THADA: variants seen among roughly 807,000 people sequenced by gnomAD.
The protein encoded by THADA is tRNA (32-2'-O)-methyltransferase regulator THADA.
A neutral mutation model predicts 219.8 loss-of-function variants in THADA; 213 were observed. That is an observed-to-expected ratio of 0.97 (90% CI 0.87 to 1.09). THADA has a LOEUF of 1.09. Ranked by LOEUF, THADA falls within the 50% of genes least tolerant of loss-of-function variation. The pLI, the probability that THADA is intolerant of heterozygous loss-of-function variation, is 0.00. For synonymous variants in THADA, 1,018 were observed against 828.9 expected (o/e 1.23, Z -3.92); for missense variants, 2,956 against 2,311.3 (o/e 1.28, Z -5.72).
chr2:43,586,342 T>C (rs916571427), intron 7 of THADA, 59 bp downstream of exon 7: 94 of 1,368,952 alleles, frequency 6.9e-5, no homozygotes, highest in Non-Finnish European at 9.0e-5. Context: ...TTTTTCTTTG[T>C]ACAAAGATAA....
intron 7 of THADA, among the ~76,000 whole-genome samples, chr2:43,583,291 A>C (rs910754152): frequency 1.3e-5 from 2 of 152,134 alleles, no homozygotes; most frequent in Non-Finnish European, 2.9e-5. Context: ...TCTCCATCTC[A>C]TCTATAAGAA....
intron 26 of THADA, among the ~76,000 whole-genome samples, chr2:43,483,212 A>G (rs1323916754): frequency 2.6e-5 from 4 of 152,170 alleles, no homozygotes; most frequent in Non-Finnish European, 4.4e-5. Context: ...ACCAACCAAG[A>G]TATCATTATT....
intron 22 of THADA, among the ~76,000 whole-genome samples, chr2:43,523,162 C>T (rs185409341): frequency 2.6e-5 from 4 of 151,928 alleles, no homozygotes; most frequent in Admixed American, 2.0e-4. Flanking sequence ...CCCAGGAGTT[C>T]GAGACCAGCC....
At chr2:43,556,599 C>T (rs754612477) in intron 16 of THADA, 44 bp from the exon 17 acceptor site, 12 of 1,557,648 alleles carry the variant, frequency 7.7e-6, no homozygotes, top group African/African-American at 1.4e-5. Context: ...TTAAAGATCT[C>T]TTTAATTTAA....
In THADA at chr2:43,231,205, A is replaced by ATC. The variant is rs761567323; in HGVS notation, c.5604_5605insGA (p.Cys1869AspfsTer29). 6.2e-7 allele frequency: 1 copy of ATC among 1,613,944 alleles called. No homozygotes were observed. On this transcript the variant is annotated frameshift_variant, in exon 38 of 38. Transcript: ENST00000405975. LOFTEE classifies it low-confidence loss of function (END_TRUNC). ...TCTGACACCATCCTTTGAAGGTGAC[A>ATC]GAGCATCTCAGGGCTTGGGGGACGC... is the stretch of plus-strand genomic sequence containing the variant.
chr2:43,268,383 A>G (rs1294912388), intron 36 of THADA, among the ~76,000 whole-genome samples: 1 of 152,102 alleles, frequency 6.6e-6, no homozygotes, highest in Non-Finnish European at 1.5e-5. Flanking sequence ...TTCTATCTCA[A>G]TGTACACACC....
intron 29 of THADA, among the ~76,000 whole-genome samples, chr2:43,393,052 G>A (rs1673581333): frequency 6.6e-6 from 1 of 152,132 alleles, no homozygotes; most frequent in Non-Finnish European, 1.5e-5. Context: ...CTATGGACTT[G>A]GCTATAGCCT....
intron 26 of THADA, among the ~76,000 whole-genome samples, chr2:43,463,587 G>T (rs1683885272): frequency 6.6e-6 from 1 of 152,126 alleles, no homozygotes; most frequent in African/African-American, 2.4e-5. Flanking sequence ...CAGTATAAAA[G>T]AATGTTTTTT....
At chr2:43,257,571 G>A (rs954012416) in intron 36 of THADA, among the ~76,000 whole-genome samples, 6 of 152,300 alleles carry the variant, frequency 3.9e-5, no homozygotes, top group African/African-American at 9.6e-5. Flanking sequence ...CACTTCCTCC[G>A]TTGGCATCTG....
intron 29 of THADA, among the ~76,000 whole-genome samples, chr2:43,386,042 T>C (rs1672639997): frequency 6.6e-6 from 1 of 152,092 alleles, no homozygotes; most frequent in Non-Finnish European, 1.5e-5. Context: ...CATATGAACA[T>C]GGGCCCATCA....
At chr2:43,327,584 C>A (rs1194830591) in intron 30 of THADA, among the ~76,000 whole-genome samples, 3 of 152,140 alleles carry the variant, frequency 2.0e-5, no homozygotes, top group African/African-American at 4.8e-5. Flanking sequence ...TGACACATAT[C>A]TACCCGCCTC....
At chr2:43,334,748 C>A (rs959291399) in intron 30 of THADA, among the ~76,000 whole-genome samples, 4 of 151,384 alleles carry the variant, frequency 2.6e-5, no homozygotes, top group African/African-American at 9.7e-5. Flanking sequence ...GCACTCCAGC[C>A]TGGGCGACAG....
chr2:43,260,588 T>G (rs890670474), intron 36 of THADA, among the ~76,000 whole-genome samples: 5 of 152,200 alleles, frequency 3.3e-5, no homozygotes, highest in African/African-American at 4.8e-5. Context: ...AAATCTTGAT[T>G]GTGTTTTCCT....
chr2:43,256,430 T>A (rs1047833777), intron 36 of THADA, among the ~76,000 whole-genome samples: 8 of 151,996 alleles, frequency 5.3e-5, no homozygotes, highest in African/African-American at 1.7e-4. Context: ...TTTATTTATT[T>A]TTTTGAGTCT....
intron 26 of THADA, among the ~76,000 whole-genome samples, chr2:43,435,887 A>C (rs552431618): frequency 6.6e-6 from 1 of 151,760 alleles, no homozygotes; most frequent in East Asian, 1.9e-4. Context: ...TTCCTGGCAT[A>C]ATGCTTCTTT....
chr2:43,585,423 T>G (rs1574377128), intron 7 of THADA, among the ~76,000 whole-genome samples: 1 of 147,204 alleles, frequency 6.8e-6, no homozygotes, highest in South Asian at 2.2e-4. Flanking sequence ...GAGACTGAGG[T>G]GGGAGTATCA....
intron 8 of THADA, among the ~76,000 whole-genome samples, chr2:43,581,147 CA>C (rs1700397560): frequency 1.3e-5 from 2 of 151,838 alleles, no homozygotes; most frequent in South Asian, 4.1e-4. Context: ...CCACAGATTC[CA>C]AAAAAGTGAC....
chr2:43,270,971 T>C (rs961613016), intron 36 of THADA, among the ~76,000 whole-genome samples: 1 of 152,144 alleles, frequency 6.6e-6, no homozygotes, highest in Admixed American at 6.5e-5. Context: ...GTGATGAGGT[T>C]CTCCTTCCCC....
intron 22 of THADA, among the ~76,000 whole-genome samples, chr2:43,515,235 A>AATATATT (rs1691443425): frequency 3.1e-4 from 6 of 19,150 alleles, no homozygotes; most frequent in Non-Finnish European, 5.4e-4. Flanking sequence ...TATAATATAT[A>AATATATT]ATATATAATA....
Sources: allele counts gnomAD v4.1 joint callset (sites outside exome capture counted in the v4.1 genomes callset), GRCh38; gene constraint gnomAD v4.1.1; transcripts MANE v1.5; gene names NCBI Gene and HGNC (gene_info 2026-07-23, HGNC 2026-07-21).